Variants in LRRIQ1 observed in about 807,000 individuals in gnomAD.
LRRIQ1 encodes the protein leucine-rich repeat- and IQ domain-containing protein 1.
A neutral mutation model predicts 211.9 loss-of-function variants in LRRIQ1; 210 were observed. The observed-to-expected ratio is 0.99, with a 90% CI of 0.89 to 1.11. LRRIQ1 has a LOEUF of 1.11. LRRIQ1 is among the 50% of genes most tolerant of loss of function. LRRIQ1 has a pLI of 0.00. For missense variants in LRRIQ1, 2,136 were observed against 1,939.5 expected, an observed-to-expected ratio of 1.10 and a Z score of -1.90; for synonymous variants, 699 against 650.1, an observed-to-expected ratio of 1.08 and a Z score of -1.14.
intron 26 of LRRIQ1, among the ~76,000 whole-genome samples, chr12:85,234,154 T>A (rs1367355418): frequency 6.6e-6 from 1 of 152,038 alleles, no homozygotes; most frequent in African/African-American, 2.4e-5. Context: ...GGAAGATCAT[T>A]TGAGCCTAGA....
At chr12:85,062,116 A>G (rs1881882032) in intron 8 of LRRIQ1, among the ~76,000 whole-genome samples, 2 of 151,836 alleles carry the variant, frequency 1.3e-5, no homozygotes, top group African/African-American at 2.4e-5. Context: ...GTGTTTTTTG[A>G]AATAATAGTG....
intron 17 of LRRIQ1, 60 bp downstream of exon 17, chr12:85,124,579 T>C: frequency 8.1e-7 from 1 of 1,236,984 alleles, no homozygotes; most frequent in Non-Finnish European, 1.2e-6. Context: ...TGATGGATGA[T>C]ATTAGTCAAT....
chr12:85,085,871 G>A (rs979404224), intron 11 of LRRIQ1, among the ~76,000 whole-genome samples: 1 of 152,084 alleles, frequency 6.6e-6, no homozygotes, highest in Non-Finnish European at 1.5e-5. Flanking sequence ...CCATGTCTTT[G>A]CTGTTGTGAA....
chr12:85,226,678 C>T (rs1894671805), intron 24 of LRRIQ1, among the ~76,000 whole-genome samples: 1 of 112,924 alleles, frequency 8.9e-6, no homozygotes, highest in African/African-American at 3.5e-5. Flanking sequence ...CATCCCTCCC[C>T]CCTCCCCCCA....
intron 19 of LRRIQ1, among the ~76,000 whole-genome samples, chr12:85,150,988 C>A (rs762327900): frequency 1.3e-5 from 2 of 151,374 alleles, no homozygotes; most frequent in African/African-American, 4.8e-5. Context: ...AAAATGTATT[C>A]TCTTAATGAT....
chr12:85,127,751 T>A, intron 17 of LRRIQ1, 81 bp from the exon 18 acceptor site: 1 of 1,144,962 alleles, frequency 8.7e-7, no homozygotes, highest in South Asian at 1.4e-5. Flanking sequence ...TTTAAAATCT[T>A]GTTTAGGAGG....
chr12:85,036,604 T>G (rs563262107), intron 1 of LRRIQ1, among the ~76,000 whole-genome samples, 197 bp downstream of exon 1: 1 of 152,052 alleles, frequency 6.6e-6, no homozygotes, highest in South Asian at 2.1e-4. Context: ...ATTCAAAACT[T>G]AAAGAGATGT....
At chr12:85,071,477 T>C (rs1002643003) in intron 10 of LRRIQ1, among the ~76,000 whole-genome samples, 1 of 152,034 alleles carries the variant, frequency 6.6e-6, no homozygotes, top group African/African-American at 2.4e-5. Flanking sequence ...CATATTACCA[T>C]AATGAATATG....
intron 3 of LRRIQ1, among the ~76,000 whole-genome samples, chr12:85,043,618 G>T (rs1879169852): frequency 1.3e-5 from 2 of 152,036 alleles, no homozygotes; most frequent in Non-Finnish European, 1.5e-5. Context: ...ATACCAGTAG[G>T]TGTGATTCTT....
intron 24 of LRRIQ1, among the ~76,000 whole-genome samples, chr12:85,222,639 C>T (rs1203265867): frequency 1.3e-5 from 2 of 151,980 alleles, no homozygotes; most frequent in Non-Finnish European, 2.9e-5. Context: ...TCAAGAAGCT[C>T]ATCTGATTAG....
At chr12:85,106,435 C>A in intron 14 of LRRIQ1, 87 bp from the exon 15 acceptor site, 1 of 912,474 alleles carries the variant, frequency 1.1e-6, no homozygotes, top group Non-Finnish European at 1.7e-6. Context: ...TCTTTAATAG[C>A]AAACCAGTAA....
intron 7 of LRRIQ1, among the ~76,000 whole-genome samples, chr12:85,053,656 T>G (rs1880600664): frequency 6.6e-6 from 1 of 152,278 alleles, no homozygotes; most frequent in African/African-American, 2.4e-5. Flanking sequence ...CAAAAAACAT[T>G]TTTGGATGCT....
chr12:85,080,625 G>A (rs1323865147), intron 11 of LRRIQ1, among the ~76,000 whole-genome samples: 1 of 150,102 alleles, frequency 6.7e-6, no homozygotes, highest in Non-Finnish European at 1.5e-5. Flanking sequence ...ATCCATGAAA[G>A]TGTTGTTTGC....
chr12:85,104,332 A>G, intron 14 of LRRIQ1, among the ~76,000 whole-genome samples: 1 of 151,946 alleles, frequency 6.6e-6, no homozygotes, highest in East Asian at 1.9e-4. Flanking sequence ...TTTACTTATG[A>G]AATATATAGC....
intron 15 of LRRIQ1, among the ~76,000 whole-genome samples, chr12:85,115,817 A>C (rs1565843579): frequency 1.3e-5 from 2 of 152,136 alleles, no homozygotes; most frequent in East Asian, 3.8e-4. Context: ...TGGAGTATAA[A>C]ATATTTTTTA....
chr12:85,056,910 C>T lies in LRRIQ1; in HGVS notation c.2117C>T (p.Ser706Phe). The T allele has an allele frequency of 1.9e-6, 3 of 1,613,118 alleles. No homozygotes were observed. Among genetic ancestry groups the T allele is most frequent in the Non-Finnish European group, 2.5e-6 (3 of 1,179,490 alleles). ...TCTAAAGAAGTCAACTCTCTTAAAT[C>T]TGAGATTAGAAATATTTCAGAAAAA... ...MVSKEVNSLKSEIRNISEKCH... is the reference protein window; with the variant it reads ...MVSKEVNSLKFEIRNISEKCH... Residue 706 changes from serine (S) to phenylalanine (F), a missense_variant, in exon 8 of 27, where the codon TCT (serine) becomes TTT (phenylalanine). By Grantham distance (155) the Ser-to-Phe change is radical. Transcript: ENST00000393217.
chr12:85,260,795 C>G (rs1330735680), intron 1 of LRRIQ1, among the ~76,000 whole-genome samples: 1 of 152,036 alleles, frequency 6.6e-6, no homozygotes, highest in African/African-American at 2.4e-5. Flanking sequence ...ATTCTGTTAT[C>G]TGGGAAAAAA....
downstream of LRRIQ1, among the ~76,000 whole-genome samples, chr12:85,266,255 CTG>C (rs1896416633): frequency 6.6e-6 from 1 of 152,094 alleles, no homozygotes; most frequent in East Asian, 1.9e-4. Flanking sequence ...ACAATTTGCA[CTG>C]TGATATGGAT....
chr12:85,150,196 C>A (rs1379348313), intron 19 of LRRIQ1, among the ~76,000 whole-genome samples: 1 of 151,720 alleles, frequency 6.6e-6, no homozygotes, highest in Non-Finnish European at 1.5e-5. Context: ...ATAACCACTC[C>A]TCAGGTGGCA....
Sources: gnomAD v4.1 joint callset for allele counts (sites outside exome capture counted in the v4.1 genomes callset) on GRCh38, gnomAD v4.1.1 for gene constraint, MANE v1.5 for transcripts, NCBI Gene and HGNC (gene_info 2026-07-23, HGNC 2026-07-21) for gene names.